Variants in CHEK2 observed in about 807,000 individuals in gnomAD.
CHEK2 encodes the protein serine/threonine-protein kinase Chk2.
Under a neutral mutation model 69.1 loss-of-function variants are expected in CHEK2, and 71 were observed. The observed-to-expected ratio is 1.03, with a 90% confidence interval of 0.85 to 1.25. The LOEUF is 1.25. CHEK2 is among the 50% of genes most tolerant of loss of function. The pLI, the probability that CHEK2 is intolerant of heterozygous loss-of-function variation, is 0.00. For missense variants in CHEK2, 664 were observed against 649.6 expected (o/e 1.02, Z -0.24); for synonymous variants, 189 against 226.9 (o/e 0.83, Z 1.50).
chr22:28,740,385 C>T (rs959662211), intron 1 of CHEK2, among the ~76,000 whole-genome samples: 1 of 152,126 alleles, frequency 6.6e-6, no homozygotes, highest in Admixed American at 6.6e-5. Flanking sequence ...AGGCTCTGCC[C>T]GCATCAAAAA....
At chr22:28,688,031 G>A (rs2052192640) in intron 14 of CHEK2, 45 bp from the exon 15 acceptor site, 1 of 1,418,538 alleles carries the variant, frequency 7.0e-7, no homozygotes, top group Non-Finnish European at 9.8e-7. Flanking sequence ...GAAAATCACT[G>A]GCTTCTTTAA....
At chr22:28,707,271 AGT>A (rs2053188260) in intron 7 of CHEK2, among the ~76,000 whole-genome samples, 1 of 152,216 alleles carries the variant, frequency 6.6e-6, no homozygotes, top group Non-Finnish European at 1.5e-5. Flanking sequence ...TCACTCTCCA[AGT>A]GTGTTGTCTG....
chr22:28,724,909 G>T (rs2146054288), intron 4 of CHEK2, 68 bp downstream of exon 4: 2 of 1,523,294 alleles, frequency 1.3e-6, no homozygotes, highest in Non-Finnish European at 1.8e-6. Context: ...TGTAAGGACA[G>T]GACAAATTTT....
chr22:28,699,720 G>A, intron 9 of CHEK2, 118 bp downstream of exon 9: 1 of 824,122 alleles, frequency 1.2e-6, no homozygotes. Context: ...GAAGAGAACA[G>A]CAAACACACA....
intron 8 of CHEK2, among the ~76,000 whole-genome samples, chr22:28,703,264 G>A (rs1172009351): frequency 6.6e-6 from 1 of 152,188 alleles, no homozygotes; most frequent in African/African-American, 2.4e-5. Context: ...CAACTGCAGA[G>A]TGGAGTTCAA....
At chr22:28,720,473 G>A (rs932665367) in intron 4 of CHEK2, among the ~76,000 whole-genome samples, 5 of 151,760 alleles carry the variant, frequency 3.3e-5, no homozygotes, top group Admixed American at 6.6e-5. Context: ...AACCACCCAC[G>A]TGGGCCAAGC....
intron 7 of CHEK2, among the ~76,000 whole-genome samples, chr22:28,707,756 C>T (rs1404507576): frequency 6.6e-6 from 1 of 151,456 alleles, no homozygotes; most frequent in African/African-American, 2.4e-5. Context: ...TTGCACTGGA[C>T]ACCGGATTTG....
chr22:28,696,570 G>A (rs2052592118), intron 10 of CHEK2, among the ~76,000 whole-genome samples: 1 of 151,934 alleles, frequency 6.6e-6, no homozygotes, highest in African/African-American at 2.4e-5. Flanking sequence ...TGTTGGCCAG[G>A]TTGGTCTCAA....
At chr22:28,733,563 G>A (rs1318159583) in intron 2 of CHEK2, among the ~76,000 whole-genome samples, 3 of 152,140 alleles carry the variant, frequency 2.0e-5, no homozygotes, top group Non-Finnish European at 4.4e-5. Flanking sequence ...GCATTCTGCT[G>A]CAACTAACTA....
chr22:28,702,534 G>A (rs1206046927), intron 8 of CHEK2, among the ~76,000 whole-genome samples: 6 of 133,770 alleles, frequency 4.5e-5, no homozygotes, highest in Admixed American at 2.3e-4. Context: ...CACTGCGCCC[G>A]GCCTTTTTTT....
intron 5 of CHEK2, among the ~76,000 whole-genome samples, chr22:28,712,857 C>T (rs1010924152): frequency 6.6e-6 from 1 of 152,078 alleles, no homozygotes; most frequent in African/African-American, 2.4e-5. Flanking sequence ...GTGTACAATT[C>T]AGTAGCATTA....
At chr22:28,738,188 G>A (rs2054469087) in intron 1 of CHEK2, 1 of 152,294 alleles carries the variant, frequency 6.6e-6, no homozygotes, top group Admixed American at 6.5e-5. Context: ...CTGGGTGACA[G>A]AGCGAGACCC....
In CHEK2 at chr22:28,711,658, G is replaced by GA. The variant is rs17880165; in HGVS notation, c.792+250dup. 6.5e-3 allele frequency among the ~76,000 whole-genome samples: 925 copies of GA among 141,356 alleles called. 9 individuals carry two copies. The highest frequency in any genetic ancestry group is 0.021 in the African/African-American group (814 of 38,768). The allele number at this position is 141,356 out of a possible 152,430, so 92.7% of individuals were successfully genotyped here. On this transcript the variant is annotated intron_variant, in intron 6 of 14. Transcript: ENST00000404276. Reference sequence around the variant, plus strand: ...TGTAACGACTTTGAACTTGGAAGAAGAAAAAAAAAAACTTCCCACTATGCT... The same window carrying GA: ...TGTAACGACTTTGAACTTGGAAGAAGAAAAAAAAAAAACTTCCCACTATGCT...
intron 2 of CHEK2, among the ~76,000 whole-genome samples, chr22:28,733,303 G>A (rs2054272341): frequency 6.6e-6 from 1 of 152,176 alleles, no homozygotes. Context: ...AGGTTAACTA[G>A]TGAAGCTTTT....
chr22:28,694,749 G>A (rs1361360022), intron 12 of CHEK2, among the ~76,000 whole-genome samples: 1 of 152,092 alleles, frequency 6.6e-6, no homozygotes, highest in Non-Finnish European at 1.5e-5. Context: ...CTTACTCAAA[G>A]GAAACCTTGT....
chr22:28,738,287 A>G (rs919816012), intron 1 of CHEK2, among the ~76,000 whole-genome samples: 2 of 152,188 alleles, frequency 1.3e-5, no homozygotes, highest in African/African-American at 4.8e-5. Context: ...TGAGTATGCC[A>G]CACCAGGGAC....
intron 5 of CHEK2, among the ~76,000 whole-genome samples, chr22:28,715,397 TTTTATTTA>T (rs3029446): frequency 6.7e-6 from 1 of 148,956 alleles, no homozygotes; most frequent in African/African-American, 2.5e-5. Flanking sequence ...TTATTTTTAT[TTTTATTTA>T]TTTATTTATT....
intron 2 of CHEK2, among the ~76,000 whole-genome samples, chr22:28,729,689 A>G (rs2054135750): frequency 6.6e-6 from 1 of 152,106 alleles, no homozygotes; most frequent in East Asian, 1.9e-4. Context: ...ACACCCTTTT[A>G]TAACAAAAAA....
chr22:28,696,190 G>A (rs2052578139), intron 10 of CHEK2, among the ~76,000 whole-genome samples: 1 of 152,054 alleles, frequency 6.6e-6, no homozygotes, highest in Non-Finnish European at 1.5e-5. Context: ...ATGGTTCTTA[G>A]ACCCCAGTGT....
Sources: allele counts gnomAD v4.1 joint callset (sites outside exome capture counted in the v4.1 genomes callset), GRCh38; gene constraint gnomAD v4.1.1; transcripts MANE v1.5; gene names NCBI Gene and HGNC (gene_info 2026-07-23, HGNC 2026-07-21).